FN1: variants seen among roughly 807,000 people sequenced by gnomAD.
FN1 encodes fibronectin 1.
A neutral mutation model predicts 297.3 loss-of-function variants in FN1; 106 were observed. The observed-to-expected ratio is 0.36, with a 90% confidence interval of 0.30 to 0.42. FN1 has a LOEUF of 0.42. Among genes scored for constraint, FN1 ranks in the 10% least tolerant of loss-of-function variants. The probability of loss-of-function intolerance (pLI) is 1.00; values close to 1 mark genes in which losing one functional copy is unlikely to be tolerated. For missense variants in FN1, 2,690 were observed against 3,124.9 expected (o/e 0.86, Z 3.32); for synonymous variants, 1,149 against 1,152.6 (o/e 1.00, Z 0.06).
rs538165700 is a variant in FN1 at position 215,424,379 on chromosome 2, A to G, written c.1037-54T>C. ...AAACAGAGATGCTTTATCTCCCACC[A>G]GCAGCTGCTTATTTATGGCTTCAAT... On this transcript the variant is annotated intron_variant, in intron 7 of 45. Transcript: ENST00000354785. 1,586 of 1,453,752 alleles carry G rather than the reference A, an allele frequency of 1.1e-3. 1 individual carries two copies. Among genetic ancestry groups the G allele is most frequent in the Non-Finnish European group, 1.5e-3 (1,517 of 1,037,314 alleles). 90.1% of individuals were successfully genotyped at this position (1,453,752 alleles called of 1,614,324 possible). A position where few individuals can be genotyped will look rare whatever the true frequency, so the allele number is the denominator to read the frequency against.
rs568449322 is a variant in FN1, at chr2:215,365,533, G to A, written c.7116C>T (p.Asn2372=). ...GQMMSCTCLG[N]GKGEFKCDPH... is the part of the protein sequence containing the mutation. Reference sequence around the variant, plus strand: ...GGTCACACTTGAATTCTCCTTTTCCGTTCCCAAGACATGTGCAGCTCATCA... The same window carrying A: ...GGTCACACTTGAATTCTCCTTTTCCATTCCCAAGACATGTGCAGCTCATCA... The change falls in exon 43 of 46, where the codon AAC becomes AAT. Residue 2372 remains asparagine, a synonymous_variant. Coordinates refer to ENST00000354785, the MANE Select transcript of FN1 (RefSeq NM_212482.4). 2.1e-5 allele frequency: 34 copies of A among 1,614,002 alleles called. No individual in the cohort carries two copies. Among genetic ancestry groups the A allele is most frequent in the African/African-American group, 8.0e-5 (6 of 75,010 alleles).
At chr2:215,433,257 A>C (rs2066848387) in intron 3 of FN1, 67 bp downstream of exon 3, 1 of 1,583,574 alleles carries the variant, frequency 6.3e-7, no homozygotes, top group Non-Finnish European at 8.7e-7. Context: ...ACAGAAAATG[A>C]CAGTGATGGT....
At chr2:215,435,582 T>G in intron 1 of FN1, 73 bp downstream of exon 1, 1 of 1,599,656 alleles carries the variant, frequency 6.3e-7, no homozygotes, top group Non-Finnish European at 8.5e-7. Flanking sequence ...GCACAAAACT[T>G]CAGCCCCAAC....
chr2:215,428,465 G>A lies in FN1; in HGVS notation c.686-127C>T, dbSNP rs2065892629. On this transcript the variant is annotated intron_variant, in intron 5 of 45. Coordinates refer to ENST00000354785, the MANE Select transcript of FN1 (RefSeq NM_212482.4). Reference sequence around the variant, plus strand: ...TGGTAATATGTTCATATTCAGCTCTGGTGCTGCAAGGTATTACACTTCTGA... The same window carrying A: ...TGGTAATATGTTCATATTCAGCTCTAGTGCTGCAAGGTATTACACTTCTGA... The A allele has an allele frequency of 5.1e-6, 4 of 789,908 alleles. No homozygotes were observed. The Admixed American group carries it at 6.0e-5, about 12-fold the overall frequency. 48.9% of individuals were successfully genotyped at this position (789,908 alleles called of 1,614,324 possible). A position where few individuals can be genotyped will look rare whatever the true frequency, so the allele number is the denominator to read the frequency against.
At chr2:215,414,540 A>T in intron 13 of FN1, 1 of 377,602 alleles carries the variant, frequency 2.6e-6, no homozygotes, top group Non-Finnish European at 4.3e-6. Flanking sequence ...GAACAATCTT[A>T]AGCATTATCA....
At chr2:215,400,950 C>T (rs1409075469) in intron 20 of FN1, among the ~76,000 whole-genome samples, 1 of 150,864 alleles carries the variant, frequency 6.6e-6, no homozygotes, top group Admixed American at 6.6e-5. Context: ...TGCCCACCAC[C>T]ACATCCAGCT....
intron 35 of FN1, among the ~76,000 whole-genome samples, chr2:215,377,215 C>G (rs1449098087): frequency 1.3e-5 from 2 of 152,126 alleles, no homozygotes; most frequent in African/African-American, 4.8e-5. Context: ...TTTGAAAAGG[C>G]ATACATCAAG....
At chr2:215,394,072 C>T (rs1381438242) in intron 24 of FN1, among the ~76,000 whole-genome samples, 1 of 152,142 alleles carries the variant, frequency 6.6e-6, no homozygotes, top group South Asian at 2.1e-4. Flanking sequence ...GATGTGTCAA[C>T]CAAATGCTGT....
intron 29 of FN1, 85 bp from the exon 30 acceptor site, chr2:215,384,269 CA>C: frequency 7.7e-7 from 1 of 1,304,592 alleles, no homozygotes; most frequent in Non-Finnish European, 1.1e-6. Context: ...ACATTTATAG[CA>C]GCATGTAAAT....
chr2:215,401,262 G>T (rs1559476337), intron 20 of FN1, among the ~76,000 whole-genome samples: 1 of 82,864 alleles, frequency 1.2e-5, no homozygotes, highest in Non-Finnish European at 2.4e-5. Context: ...AAGAAAGAAA[G>T]GAAGGAAAGG....
chr2:215,383,585 T>G, intron 30 of FN1, 102 bp from the exon 31 acceptor site: 1 of 1,168,494 alleles, frequency 8.6e-7, no homozygotes, highest in Non-Finnish European at 1.3e-6. Flanking sequence ...AATGATCGCT[T>G]ACATGAGAAA....
chr2:215,361,770 A>AC, intron 45 of FN1, 144 bp from the exon 46 acceptor site: 1 of 984,882 alleles, frequency 1.0e-6, no homozygotes, highest in Non-Finnish European at 1.6e-6. Context: ...CTAGCAGCAT[A>AC]CTGGGCAATA....
rs1408815253 is a variant in FN1, at chr2:215,397,816, T to C, written c.3381A>G (p.Ala1127=). 1.2e-6 allele frequency: 2 copies of C among 1,614,044 alleles called. No homozygotes were observed. Among genetic ancestry groups the C allele is most frequent in the African/African-American group, 2.7e-5 (2 of 74,934 alleles). Residue 1127 remains alanine, a synonymous_variant, in exon 22 of 46, where the codon GCA becomes GCG. Coordinates refer to ENST00000354785, the MANE Select transcript of FN1 (RefSeq NM_212482.4). ...LGVRPSQGGE[A]PREVTSDSGS... is the part of the protein sequence containing the mutation. ...CTGAGTCTGAAGTCACTTCTCGTGG[T>C]GCCTCTCCTCCCTGGCTTGGTCGTA...
At chr2:215,401,042 C>T (rs1207628682) in intron 20 of FN1, among the ~76,000 whole-genome samples, 1 of 149,368 alleles carries the variant, frequency 6.7e-6, no homozygotes, top group African/African-American at 2.5e-5. Flanking sequence ...GTGATCTACC[C>T]ACCTCGGCCT....
At chr2:215,429,684 A>T (rs2066131926) in intron 5 of FN1, among the ~76,000 whole-genome samples, 1 of 152,212 alleles carries the variant, frequency 6.6e-6, no homozygotes, top group South Asian at 2.1e-4. Flanking sequence ...GATGATAAAT[A>T]TGTATAAGAC....
At chr2:215,371,369 T>C (rs1170362336) in intron 40 of FN1, among the ~76,000 whole-genome samples, 1 of 151,992 alleles carries the variant, frequency 6.6e-6, no homozygotes, top group Non-Finnish European at 1.5e-5. Flanking sequence ...CCTGTTTTTT[T>C]TTTTCTTTAG....
Position 215,433,111 on chromosome 2 carries a change from C to T in FN1, c.415+213G>A, listed in dbSNP as rs139946839. 9.2e-5 allele frequency among the ~76,000 whole-genome samples: 14 copies of T among 152,218 alleles called. No homozygotes were observed. In the East Asian group the frequency reaches 9.7e-4, roughly 10 times the overall value. Reference sequence around the variant, plus strand: ...TCATAAATGCACACACACTCATAAACGCACACACATCAAACACTGATTCCA... The same window carrying T: ...TCATAAATGCACACACACTCATAAATGCACACACATCAAACACTGATTCCA... On this transcript the variant is annotated intron_variant, in intron 3 of 45. Coordinates refer to ENST00000354785, the MANE Select transcript of FN1 (RefSeq NM_212482.4).
chr2:215,371,930 G>A lies in FN1; in HGVS notation c.6693C>T (p.Gly2231=). ...SEYIISCHPV[G]TDEEPLQFRV... ...TTACCTGTAAGGGTTCTTCATCAGT[G>A]CCAACAGGATGACATGAAATGATGT... The change falls in exon 40 of 46, where the codon GGC becomes GGT. Residue 2231 remains glycine, a synonymous_variant. Coordinates refer to ENST00000354785, the MANE Select transcript of FN1 (RefSeq NM_212482.4). 6.2e-7 allele frequency: 1 copy of A among 1,613,746 alleles called. No homozygotes were observed. The highest frequency in any genetic ancestry group is 1.1e-5 in the South Asian group (1 of 91,074).
intron 26 of FN1, among the ~76,000 whole-genome samples, chr2:215,388,586 C>G (rs1241355455): frequency 2.0e-5 from 3 of 152,152 alleles, no homozygotes; most frequent in Non-Finnish European, 4.4e-5. Flanking sequence ...GCTGCAACAG[C>G]TGGATATTTC....
Sources: gnomAD v4.1 joint callset for allele counts (sites outside exome capture counted in the v4.1 genomes callset) on GRCh38, gnomAD v4.1.1 for gene constraint, MANE v1.5 for transcripts, NCBI Gene and HGNC (gene_info 2026-07-23, HGNC 2026-07-21) for gene names.